The following CADM2 variants were observed in gnomAD, a reference collection of about 807,000 sequenced individuals.
CADM2 encodes cell adhesion molecule 2.
CADM2 carries 12 observed loss-of-function variants against 49.8 expected under a neutral mutation model. The ratio of observed to expected loss-of-function variants is 0.24; its 90% confidence interval spans 0.15 to 0.39. The LOEUF (loss-of-function observed/expected upper bound fraction) is 0.39. Among genes scored for constraint, CADM2 ranks in the 10% least tolerant of loss-of-function variants. The pLI is 1.00. For synonymous variants in CADM2, 214 were observed against 175.4 expected, an observed-to-expected ratio of 1.22 and a Z score of -1.74; for missense variants, 378 against 492.3, an observed-to-expected ratio of 0.77 and a Z score of 2.20.
At chr3:85,581,188 A>G (rs931234105) in intron 1 of CADM2, among the ~76,000 whole-genome samples, 6 of 152,110 alleles carry the variant, frequency 3.9e-5, no homozygotes, top group African/African-American at 1.4e-4. Context: ...TCCACATTTG[A>G]ATGTTCTTTT....
At chr3:85,292,702 C>A (rs1325494181) in intron 1 of CADM2, among the ~76,000 whole-genome samples, 4 of 151,708 alleles carry the variant, frequency 2.6e-5, no homozygotes, top group Non-Finnish European at 4.4e-5. Flanking sequence ...GGGTACATAA[C>A]GAAATGAAGG....
intron 1 of CADM2, among the ~76,000 whole-genome samples, chr3:85,111,840 T>C (rs917032632): frequency 1.3e-5 from 2 of 151,906 alleles, no homozygotes; most frequent in Admixed American, 1.3e-4. Flanking sequence ...AACTGTAAGA[T>C]AAAATTGAAA....
intron 8 of CADM2, among the ~76,000 whole-genome samples, chr3:86,030,227 C>T (rs1481595387): frequency 6.6e-6 from 1 of 151,848 alleles, no homozygotes; most frequent in Non-Finnish European, 1.5e-5. Context: ...AGAATACTTA[C>T]CCTGTGAGTT....
At chr3:85,470,019 T>C (rs1275333920) in intron 1 of CADM2, among the ~76,000 whole-genome samples, 1 of 152,136 alleles carries the variant, frequency 6.6e-6, no homozygotes, top group Non-Finnish European at 1.5e-5. Context: ...GCTGAGATGC[T>C]CAATCCTCAA....
At chr3:85,825,552 A>G (rs2073860815) in intron 3 of CADM2, among the ~76,000 whole-genome samples, 1 of 152,186 alleles carries the variant, frequency 6.6e-6, no homozygotes, top group East Asian at 1.9e-4. Flanking sequence ...CAGTTGCTCA[A>G]GACATAGTGT....
At chr3:85,717,536 G>C (rs1021368101) in intron 1 of CADM2, among the ~76,000 whole-genome samples, 1 of 152,130 alleles carries the variant, frequency 6.6e-6, no homozygotes, top group Non-Finnish European at 1.5e-5. Context: ...ATGTTGAATA[G>C]GAGTTATGTG....
intron 1 of CADM2, among the ~76,000 whole-genome samples, chr3:85,147,197 C>T (rs1575978038): frequency 1.4e-5 from 2 of 146,064 alleles, no homozygotes; most frequent in East Asian, 4.1e-4. Flanking sequence ...AAGGCGAGAA[C>T]CCGGGAGGCG....
intron 1 of CADM2, among the ~76,000 whole-genome samples, chr3:85,562,916 G>A (rs1396339073): frequency 6.6e-6 from 1 of 152,060 alleles, no homozygotes; most frequent in African/African-American, 2.4e-5. Flanking sequence ...TCTGTTCCAG[G>A]AAAGTTATTG....
chr3:85,985,273 G>T (rs1427735911), intron 8 of CADM2, among the ~76,000 whole-genome samples: 1 of 151,902 alleles, frequency 6.6e-6, no homozygotes, highest in Non-Finnish European at 1.5e-5. Context: ...TGTGCAAGGG[G>T]CAGAGCAGCT....
At position 85,300,221 on chromosome 3, in the gene CADM2, C is replaced by G. The variant is rs1382302872; in HGVS notation, c.61+340553C>G. Among the ~76,000 whole-genome samples, 3 of 152,148 alleles carry G rather than the reference C, an allele frequency of 2.0e-5. No homozygotes were observed. The East Asian group carries it at 5.8e-4, about 30-fold the overall frequency. ...ACTATGCCAGTGGTTTCCAAATCAT[C>G]TTCTCTAGAGCAGAGCAGGTCTGGG... is the stretch of plus-strand genomic sequence containing the variant. On this transcript the variant is annotated intron_variant, in intron 1 of 9. Transcript: ENST00000383699.
At chr3:85,364,867 TACAACAACAACAACAACA>T (rs57254550) in intron 1 of CADM2, among the ~76,000 whole-genome samples, 3 of 147,214 alleles carry the variant, frequency 2.0e-5, no homozygotes, top group South Asian at 2.1e-4. Flanking sequence ...TGCTTGTTCC[TACAACAACAACAACAACA>T]ACAACAACAA....
At chr3:85,788,525 A>G (rs1358256584) in intron 2 of CADM2, among the ~76,000 whole-genome samples, 1 of 152,110 alleles carries the variant, frequency 6.6e-6, no homozygotes, top group Non-Finnish European at 1.5e-5. Context: ...TTAATGTAGA[A>G]GCAATTTAGA....
chr3:85,848,394 A>G (rs1433356461), intron 3 of CADM2, among the ~76,000 whole-genome samples: 1 of 152,074 alleles, frequency 6.6e-6, no homozygotes, highest in Non-Finnish European at 1.5e-5. Context: ...GATGCATTTC[A>G]TGTTTCTCTT....
At chr3:85,215,105 G>T (rs1176185339) in intron 1 of CADM2, among the ~76,000 whole-genome samples, 1 of 152,088 alleles carries the variant, frequency 6.6e-6, no homozygotes, top group Non-Finnish European at 1.5e-5. Context: ...CTCACCCAAG[G>T]CCCATGGGGA....
At chr3:85,124,185 G>A (rs376507431) in intron 1 of CADM2, among the ~76,000 whole-genome samples, 10 of 152,274 alleles carry the variant, frequency 6.6e-5, no homozygotes, top group East Asian at 5.8e-4. Flanking sequence ...TGAAAGAATG[G>A]CTTCCAAGTC....
rs112078763 is a variant in CADM2 at position 85,138,305 on chromosome 3, G to C, written c.61+178637G>C. ...CACTTTTCTCAAGAATGGGAAAGGT[G>C]CTGCCATTGGAAATGAGATTGTACC... On this transcript the variant is annotated intron_variant, in intron 1 of 9. Coordinates refer to ENST00000383699, the MANE Select transcript of CADM2 (RefSeq NM_001167675.2). Among the ~76,000 whole-genome samples, 664 of 152,256 alleles carry C rather than the reference G, an allele frequency of 4.4e-3. 3 individuals carry two copies. Among genetic ancestry groups the C allele is most frequent in the African/African-American group, 0.014 (590 of 41,564 alleles).
At chr3:85,683,467 A>C (rs572622714) in intron 1 of CADM2, among the ~76,000 whole-genome samples, 4 of 152,208 alleles carry the variant, frequency 2.6e-5, no homozygotes, top group African/African-American at 9.6e-5. Context: ...AATAACTTCA[A>C]ACATAAAATA....
intron 1 of CADM2, among the ~76,000 whole-genome samples, chr3:85,576,475 G>A (rs550090352): frequency 3.9e-5 from 6 of 152,206 alleles, no homozygotes; most frequent in Admixed American, 6.5e-5. Flanking sequence ...TTAAAGCAGT[G>A]CTTCCCAAAG....
At chr3:85,522,578 C>T (rs1324010508) in intron 1 of CADM2, among the ~76,000 whole-genome samples, 2 of 152,006 alleles carry the variant, frequency 1.3e-5, no homozygotes, top group Non-Finnish European at 2.9e-5. Flanking sequence ...ATAAACAAGT[C>T]TGGACAATGT....
Sources: gnomAD v4.1 joint callset for allele counts (sites outside exome capture counted in the v4.1 genomes callset) on GRCh38, gnomAD v4.1.1 for gene constraint, MANE v1.5 for transcripts, NCBI Gene and HGNC (gene_info 2026-07-23, HGNC 2026-07-21) for gene names.